MICAL2: variants seen among roughly 807,000 people sequenced by gnomAD.
MICAL2 encodes microtubule associated monooxygenase, calponin and LIM domain containing 2.
In MICAL2, 77 loss-of-function variants were observed where a neutral mutation model predicts 127.3. That is an observed-to-expected ratio of 0.60 (90% CI 0.50 to 0.73). The LOEUF (loss-of-function observed/expected upper bound fraction) is 0.73. Among genes scored for constraint, MICAL2 ranks in the 30% least tolerant of loss-of-function variants. The pLI is 0.00. For synonymous variants in MICAL2, 570 were observed against 551.1 expected (o/e 1.03, Z -0.48); for missense variants, 1,351 against 1,434.4 (o/e 0.94, Z 0.94).
intron 31 of MICAL2, among the ~76,000 whole-genome samples, chr11:12,325,097 G>A (rs1217708378): frequency 6.6e-6 from 1 of 151,922 alleles, no homozygotes; most frequent in Non-Finnish European, 1.5e-5. Context: ...ATCCTTAGTT[G>A]TTGTTTTTTG....
intron 3 of MICAL2, among the ~76,000 whole-genome samples, chr11:12,201,030 T>C (rs1029781119): frequency 6.6e-5 from 10 of 152,208 alleles, no homozygotes; most frequent in African/African-American, 2.2e-4. Flanking sequence ...TGTCGGGGCT[T>C]GGAGTCGTGC....
chr11:12,299,221 C>T (rs1864019109), intron 29 of MICAL2, among the ~76,000 whole-genome samples: 1 of 152,112 alleles, frequency 6.6e-6, no homozygotes, highest in East Asian at 1.9e-4. Context: ...AGGTCAGTAT[C>T]CTAAGAATGT....
chr11:12,347,314 A>C (rs538313181), intron 32 of MICAL2, among the ~76,000 whole-genome samples: 1 of 152,126 alleles, frequency 6.6e-6, no homozygotes, highest in African/African-American at 2.4e-5. Context: ...CTAATATTCT[A>C]TTTTATTCTA....
intron 1 of MICAL2, among the ~76,000 whole-genome samples, chr11:12,127,712 G>A (rs1415725891): frequency 2.6e-5 from 4 of 152,186 alleles, no homozygotes; most frequent in East Asian, 1.9e-4. Context: ...TGACTAGGCA[G>A]TAGGGAGTCT....
In MICAL2 at chr11:12,305,381, A is replaced by G. The variant is rs545176406; in HGVS notation, c.5212+10524A>G. 2.8e-4 allele frequency among the ~76,000 whole-genome samples: 42 copies of G among 152,232 alleles called. 1 individual carries two copies. The South Asian group carries it at 8.3e-3, about 30-fold the overall frequency. On this transcript the variant is annotated intron_variant, in intron 29 of 34. Coordinates refer to the MICAL2 transcript ENST00000646065. ...TGGGGGAGACCACCCCCAAAATCCA[A>G]TCACTTCCCTCTCTCAATATGGGAT...
rs545022422 is a variant in MICAL2, at chr11:12,173,592, C to T, written c.264+11173C>T. Among the ~76,000 whole-genome samples the T allele has an allele frequency of 3.2e-4, 49 of 152,294 alleles. 1 individual carries two copies. In the South Asian group the frequency reaches 8.5e-3, roughly 26 times the overall value. ...ATTTCTAGGTGTACAATTAATTCAG[C>T]GGCATTAATTACATTCTGGATGACG... On this transcript the variant is annotated intron_variant, in intron 3 of 27. Transcript: ENST00000683283.
intron 24 of MICAL2, chr11:12,257,299 T>C (rs1387329694): frequency 3.9e-6 from 1 of 256,522 alleles, no homozygotes; most frequent in Non-Finnish European, 7.3e-6. Context: ...TCCAACCTGA[T>C]ACTCTCCATT....
chr11:12,314,964 C>G (rs1269213118), intron 29 of MICAL2, among the ~76,000 whole-genome samples: 1 of 152,034 alleles, frequency 6.6e-6, no homozygotes, highest in African/African-American at 2.4e-5. Context: ...TTCTGCATCA[C>G]AATACTTTCA....
chr11:12,306,116 A>G (rs1373618501), intron 29 of MICAL2, among the ~76,000 whole-genome samples: 1 of 152,224 alleles, frequency 6.6e-6, no homozygotes, highest in Non-Finnish European at 1.5e-5. Context: ...CTTTTCACAC[A>G]TTGAACACAT....
chr11:12,115,231 A>G (rs988805107), intron 1 of MICAL2, among the ~76,000 whole-genome samples: 3 of 152,214 alleles, frequency 2.0e-5, no homozygotes, highest in African/African-American at 7.2e-5. Flanking sequence ...CACCACTGGC[A>G]CATTTGTGGG....
chr11:12,336,901 G>T (rs1938774195), intron 32 of MICAL2, among the ~76,000 whole-genome samples: 3 of 152,018 alleles, frequency 2.0e-5, no homozygotes, highest in Non-Finnish European at 4.4e-5. Flanking sequence ...CAAGGATATT[G>T]GTCTAAAATT....
chr11:12,149,070 T>G (rs7102041), intron 2 of MICAL2, among the ~76,000 whole-genome samples: 135,280 of 152,170 alleles, frequency 0.89, 60,530 homozygotes, highest in East Asian at 1. Context: ...TGTGACACTC[T>G]GCTGCCTTTG....
intron 3 of MICAL2, among the ~76,000 whole-genome samples, chr11:12,188,128 T>C (rs776566418): frequency 1.8e-4 from 27 of 152,356 alleles, no homozygotes; most frequent in Middle Eastern, 6.8e-3. Flanking sequence ...CGCATTGAGC[T>C]GCGCTGTACA....
chr11:12,233,746 C>T (rs1590521720), intron 15 of MICAL2, among the ~76,000 whole-genome samples: 1 of 152,270 alleles, frequency 6.6e-6, no homozygotes, highest in Middle Eastern at 3.4e-3. Context: ...TATTTATTCT[C>T]ATGTTCTCTT....
chr11:12,313,961 A>ATTTTT (rs60681621), intron 29 of MICAL2, among the ~76,000 whole-genome samples: 4,901 of 43,606 alleles, frequency 0.11, 612 homozygotes, highest in Non-Finnish European at 0.13. Context: ...TCTTGGTCTG[A>ATTTTT]TTTTTTTTTT....
intron 29 of MICAL2, among the ~76,000 whole-genome samples, chr11:12,301,178 C>A (rs1864042166): frequency 6.6e-6 from 1 of 152,168 alleles, no homozygotes; most frequent in African/African-American, 2.4e-5. Context: ...ACAGGAAAGA[C>A]CAGCCCCCAT....
At chr11:12,329,727 A>G (rs796416982) in intron 32 of MICAL2, among the ~76,000 whole-genome samples, 23 of 152,262 alleles carry the variant, frequency 1.5e-4, no homozygotes, top group African/African-American at 4.6e-4. Flanking sequence ...TACTCATATC[A>G]TTTTACAAAA....
chr11:12,128,766 AGTT>A (rs1851158299), intron 1 of MICAL2, among the ~76,000 whole-genome samples: 1 of 152,218 alleles, frequency 6.6e-6, no homozygotes, highest in Non-Finnish European at 1.5e-5. Flanking sequence ...GAGCCTGACA[AGTT>A]CAAATCCTGG....
At chr11:12,229,267 C>A (rs1240553124) in intron 15 of MICAL2, among the ~76,000 whole-genome samples, 1 of 152,164 alleles carries the variant, frequency 6.6e-6, no homozygotes, top group East Asian at 1.9e-4. Context: ...AAGGAATGGG[C>A]TAGCAAGGCC....
Sources: gnomAD v4.1 joint callset for allele counts (sites outside exome capture counted in the v4.1 genomes callset) on GRCh38, gnomAD v4.1.1 for gene constraint, MANE v1.5 for transcripts, NCBI Gene and HGNC (gene_info 2026-07-23, HGNC 2026-07-21) for gene names.